The following TRMT2A variants were observed in gnomAD, a reference collection of about 807,000 sequenced individuals.
TRMT2A encodes the protein tRNA (uracil-5-)-methyltransferase homolog A.
In TRMT2A, 60 loss-of-function variants were observed where a neutral mutation model predicts 59.3. That is an observed-to-expected ratio of 1.01 (90% confidence interval 0.82 to 1.26). The LOEUF (loss-of-function observed/expected upper bound fraction) is 1.26. Ranked by LOEUF, TRMT2A falls within the 50% of genes most tolerant of loss-of-function variation. The pLI, the probability that TRMT2A is intolerant of heterozygous loss-of-function variation, is 0.00. For missense variants in TRMT2A, 863 were observed against 845.2 expected, an observed-to-expected ratio of 1.02 and a Z score of -0.26; for synonymous variants, 403 against 353.7, an observed-to-expected ratio of 1.14 and a Z score of -1.56.
Position 20,115,268 on chromosome 22 carries a change from G to C in TRMT2A, c.888C>G (p.Ile296Met). 1 of 1,611,302 alleles carries C rather than the reference G, an allele frequency of 6.2e-7. No individual in the cohort carries two copies. Among genetic ancestry groups the C allele is most frequent in the South Asian group, 1.1e-5 (1 of 91,002 alleles). ...GGAGCCCCGTCACAGGTCCTCACCG[G>C]ATGAACTCCTGGAAGGCCTTCACCA... ...KQVVKAFQEF[I>M]RSTPYSAYDP... The change falls in exon 4 of 12, where the codon ATC becomes ATG. Residue 296 changes from isoleucine (I) to methionine (M), a missense_variant and splice_region_variant. By Grantham distance (10) the Ile-to-Met change is conservative. Transcript: ENST00000252136.
intron 4 of TRMT2A, 29 bp downstream of exon 4, chr22:20,115,237 T>C: frequency 6.2e-7 from 1 of 1,601,382 alleles, no homozygotes; most frequent in Non-Finnish European, 8.5e-7. Flanking sequence ...CGCATAGGAC[T>C]TCCCGGGAGC....
rs2049975902 is a variant in TRMT2A, at chr22:20,115,306, C to T, written c.850G>A (p.Ala284Thr). Reference protein sequence around the residue: ...APFDTVHIPEATKQVVKAFQE... With the variant: ...APFDTVHIPETTKQVVKAFQE... ...AAGGCCTTCACCACCTGCTTGGTGG[C>T]TTCGGGGATGTGCACGGTGTCAAAC... The change falls in exon 4 of 12, where the codon GCC becomes ACC. Residue 284 changes from alanine to threonine, a missense_variant. Transcript: ENST00000252136. 2 of 1,612,702 alleles carry T rather than the reference C, an allele frequency of 1.2e-6. No individual in the cohort carries two copies. Among genetic ancestry groups the T allele is most frequent in the South Asian group, 1.1e-5 (1 of 91,092 alleles).
chr22:20,115,275 T>C lies in TRMT2A; in HGVS notation c.881A>G (p.Glu294Gly), dbSNP rs2049975174. The C allele has an allele frequency of 6.2e-7, 1 of 1,611,494 alleles. No homozygotes were observed. Among genetic ancestry groups the C allele is most frequent in the African/African-American group, 1.3e-5 (1 of 74,870 alleles). ...ATKQVVKAFQ[E>G]FIRSTPYSAY... is the part of the protein sequence containing the mutation. ...CGTCACAGGTCCTCACCGGATGAAC[T>C]CCTGGAAGGCCTTCACCACCTGCTT... Residue 294 changes from glutamate to glycine, a missense_variant, in exon 4 of 12, where the codon GAG becomes GGG. Physicochemically the swap from Glu to Gly is moderately conservative, Grantham distance 98. Coordinates refer to ENST00000252136, the MANE Select transcript of TRMT2A (RefSeq NM_022727.6).
In TRMT2A at chr22:20,117,062, C is replaced by T. The variant is rs1358695380; in HGVS notation, c.-156G>A. On this transcript the variant is annotated 5_prime_UTR_variant, in exon 1 of 12. Transcript: ENST00000252136. ...TGCAACGCCGCGAGGTCGCCGCCAC[C>T]CCCGGCTTCGCCCCAGGCGGGGCGG... 1 of 979,386 alleles carries T rather than the reference C, an allele frequency of 1.0e-6. No individual in the cohort carries two copies. The highest frequency in any genetic ancestry group is 1.6e-5 in the African/African-American group (1 of 61,730). The allele number at this position is 979,386 out of a possible 1,614,324, so 60.7% of individuals were successfully genotyped here.
chr22:20,117,221 C>A lies in TRMT2A; in HGVS notation c.-315G>T, dbSNP rs1370964051. On this transcript the variant is annotated 5_prime_UTR_variant, in exon 1 of 12. Coordinates refer to ENST00000252136, the MANE Select transcript of TRMT2A (RefSeq NM_022727.6). ...AGCGCGTGCGGCGGAGGCCGAGCGT[C>A]TCTATGATCCTGGCTTCTGGCAACG... 3.7e-6 allele frequency: 2 copies of A among 537,864 alleles called. No individual in the cohort carries two copies. The highest frequency in any genetic ancestry group is 7.3e-5 in the East Asian group (2 of 27,268). The allele number at this position is 537,864 out of a possible 1,614,324, so 33.3% of individuals were successfully genotyped here.
chr22:20,115,155 T>G, intron 4 of TRMT2A, 76 bp from the exon 5 acceptor site: 1 of 1,563,890 alleles, frequency 6.4e-7, no homozygotes, highest in Non-Finnish European at 8.7e-7. Flanking sequence ...TGGCCACACC[T>G]TCCTTCATCT....
chr22:20,112,228 A>C lies in TRMT2A; in HGVS notation c.*335T>G, dbSNP rs1388435788. 2.7e-6 allele frequency: 1 copy of C among 368,314 alleles called. No individual in the cohort carries two copies. 22.8% of individuals were successfully genotyped at this position (368,314 alleles called of 1,614,324 possible). ...TGCAGAGAGGCTTGCAGAGCTGCCT[A>C]GGCCTAGTTTGGCCCTTTCCCTGGC... On this transcript the variant is annotated 3_prime_UTR_variant, in exon 12 of 12. Coordinates refer to ENST00000252136, the MANE Select transcript of TRMT2A (RefSeq NM_022727.6).
intron 8 of TRMT2A, 26 bp from the exon 9 acceptor site, chr22:20,113,533 C>G: frequency 6.2e-7 from 1 of 1,613,268 alleles, no homozygotes; most frequent in Middle Eastern, 1.7e-4. Flanking sequence ...GTGGTGTCGC[C>G]CCACCCAGGG....
At position 20,117,072 on chromosome 22, in the gene TRMT2A, G is replaced by A. The variant is rs1048575580; in HGVS notation, c.-166C>T. ...CGAGGTCGCCGCCACCCCCGGCTTC[G>A]CCCCAGGCGGGGCGGGACTCGAACC... On this transcript the variant is annotated 5_prime_UTR_variant, in exon 1 of 12. Transcript: ENST00000252136. The A allele has an allele frequency of 1.0e-5, 9 of 898,180 alleles. No individual in the cohort carries two copies. Among genetic ancestry groups the A allele is most frequent in the Non-Finnish European group, 1.4e-5 (8 of 591,428 alleles). The allele number at this position is 898,180 out of a possible 1,614,324, so 55.6% of individuals were successfully genotyped here. A position where few individuals can be genotyped will look rare whatever the true frequency, so the allele number is the denominator to read the frequency against.
chr22:20,115,442 C>G lies in TRMT2A; in HGVS notation c.714G>C (p.Glu238Asp), dbSNP rs1378318102. The stretch of plus-strand genomic sequence containing the variant: ...CCAGAAACTCACACTTATTACGATA[C>G]TCAGTCTGCAGGGAGAGAGAGCTGC... Reference protein sequence around the residue: ...EGVRPSPQQTEYRNKCEFLVG... With the variant: ...EGVRPSPQQTDYRNKCEFLVG... Residue 238 changes from glutamate (E) to aspartate (D), a missense_variant, in exon 4 of 12, where the codon GAG (glutamate) becomes GAC (aspartate). Physicochemically the swap from Glu to Asp is conservative, Grantham distance 45. Coordinates refer to ENST00000252136, the MANE Select transcript of TRMT2A (RefSeq NM_022727.6). 4.4e-6 allele frequency: 7 copies of G among 1,606,798 alleles called. No individual in the cohort carries two copies. The highest frequency in any genetic ancestry group is 5.9e-6 in the Non-Finnish European group (7 of 1,176,798).
rs1346842335 is a variant in TRMT2A, at chr22:20,117,185, CTT to C, written c.-281_-280del. 13 of 548,792 alleles carry C rather than the reference CTT, an allele frequency of 2.4e-5. No homozygotes were observed. The highest frequency in any genetic ancestry group is 3.9e-5 in the Non-Finnish European group (13 of 330,122). 34.0% of individuals were successfully genotyped at this position (548,792 alleles called of 1,614,324 possible). A position where few individuals can be genotyped will look rare whatever the true frequency, so the allele number is the denominator to read the frequency against. On this transcript the variant is annotated 5_prime_UTR_variant, in exon 1 of 12. Transcript: ENST00000252136. ...CCGGCCGCTCGCTTCGCCAGCCACTCTTAGTCCGCCAGCGCGTGCGGCGGAGG... is the reference window on the plus strand; with the variant it reads ...CCGGCCGCTCGCTTCGCCAGCCACTCAGTCCGCCAGCGCGTGCGGCGGAGG...
At chr22:20,114,424 A>G (rs1173568658) in intron 7 of TRMT2A, 150 bp downstream of exon 7, 2 of 688,222 alleles carry the variant, frequency 2.9e-6, no homozygotes, top group African/African-American at 3.5e-5. Flanking sequence ...GTGATGACCA[A>G]CCTCTTTCTT....
chr22:20,115,815 C>T, intron 2 of TRMT2A, 35 bp from the exon 3 acceptor site: 1 of 1,579,112 alleles, frequency 6.3e-7, no homozygotes, highest in Non-Finnish European at 8.7e-7. Flanking sequence ...TGGACTCCAC[C>T]TACTGCCCCC....
Position 20,116,988 on chromosome 22 carries a change from T to G in TRMT2A, c.-82A>C, listed in dbSNP as rs2050046864. The stretch of plus-strand genomic sequence containing the variant: ...CGTCCTGGGCCTGTCACAAGGGAAG[T>G]GGCCTGTCACAAGGGAAGTGCTCAG... On this transcript the variant is annotated 5_prime_UTR_variant, in exon 1 of 12. Transcript: ENST00000252136. The G allele has an allele frequency of 2.7e-6, 4 of 1,492,188 alleles. No homozygotes were observed. Among genetic ancestry groups the G allele is most frequent in the Non-Finnish European group, 3.6e-6 (4 of 1,098,402 alleles). The allele number at this position is 1,492,188 out of a possible 1,614,324, so 92.4% of individuals were successfully genotyped here.
chr22:20,114,601 G>C lies in TRMT2A; in HGVS notation c.1206C>G (p.Phe402Leu). 6.2e-7 allele frequency: 1 copy of C among 1,613,778 alleles called. No individual in the cohort carries two copies. The highest frequency in any genetic ancestry group is 1.7e-5 in the Admixed American group (1 of 60,024). ...GGAAGAAGGCGTGTGGAGAGATCCG[G>C]AAGGTCAGCCCTAGCAGGTCCTCGT... ...CIHEDLLGLT[F>L]RISPHAFFQV... The change falls in exon 7 of 12, where the codon TTC becomes TTG. Residue 402 changes from phenylalanine to leucine, a missense_variant. Coordinates refer to ENST00000252136, the MANE Select transcript of TRMT2A (RefSeq NM_022727.6).
chr22:20,114,458 C>G, intron 7 of TRMT2A, 116 bp downstream of exon 7: 2 of 866,102 alleles, frequency 2.3e-6, no homozygotes, highest in Non-Finnish European at 3.9e-6. Context: ...CTGTGGCTCA[C>G]CTGCCTGGAT....
chr22:20,113,123 C>G lies in TRMT2A; in HGVS notation c.1544G>C (p.Gly515Ala). The change falls in exon 10 of 12, where the codon GGC becomes GCC. Residue 515 changes from glycine (G) to alanine (A), a missense_variant. Coordinates refer to ENST00000252136, the MANE Select transcript of TRMT2A (RefSeq NM_022727.6). The part of the protein sequence containing the change: ...LVAILDPPRA[G>A]LHSKVILAIR... Reference sequence around the variant, plus strand: ...CTTAAGCAAAAGCCACTCACGCAAGCCAGCACGGGGTGGGTCCAGGATGGC... The same window carrying G: ...CTTAAGCAAAAGCCACTCACGCAAGGCAGCACGGGGTGGGTCCAGGATGGC... 6.2e-7 allele frequency: 1 copy of G among 1,604,372 alleles called. No individual in the cohort carries two copies. The highest frequency in any genetic ancestry group is 8.5e-7 in the Non-Finnish European group (1 of 1,174,178).
At position 20,112,752 on chromosome 22, in the gene TRMT2A, GA is replaced by G; in HGVS notation, c.1688del (p.Phe563SerfsTer74). ...CCACTGCCACAGCCTTGACCGGCCG[GA>G]AGGGAATGCCCTTCACCCGGTTAGA... ...APSNRVKGIP[F>X]RPVKAVAVDL... On this transcript the variant is annotated frameshift_variant, in exon 12 of 12. Coordinates refer to ENST00000252136, the MANE Select transcript of TRMT2A (RefSeq NM_022727.6). LOFTEE classifies it low-confidence loss of function (END_TRUNC). The G allele has an allele frequency of 6.2e-7, 1 of 1,613,776 alleles. No homozygotes were observed. The highest frequency in any genetic ancestry group is 1.7e-4 in the Middle Eastern group (1 of 6,054).
At chr22:20,115,866 C>A in intron 2 of TRMT2A, 86 bp from the exon 3 acceptor site, 2 of 1,440,614 alleles carry the variant, frequency 1.4e-6, no homozygotes, top group South Asian at 1.3e-5. Context: ...AGGCTCCTGA[C>A]CCCTCCTTTG....
Sources: gnomAD v4.1 joint callset for allele counts on GRCh38, gnomAD v4.1.1 for gene constraint, MANE v1.5 for transcripts, NCBI Gene and HGNC (gene_info 2026-07-23, HGNC 2026-07-21) for gene names.